Variants in FRAS1 observed in about 807,000 individuals in gnomAD.
FRAS1 encodes the protein extracellular matrix organizing protein FRAS1.
FRAS1 carries 290 observed loss-of-function variants against 435.2 expected under a neutral mutation model. The ratio of observed to expected loss-of-function variants is 0.67; its 90% CI spans 0.61 to 0.73. The LOEUF (loss-of-function observed/expected upper bound fraction) is 0.73, where lower values mean the gene tolerates loss of function less well. Ranked by LOEUF, FRAS1 falls within the 30% of genes least tolerant of loss-of-function variation. FRAS1 has a pLI of 0.00. For synonymous variants in FRAS1, 1,800 were observed against 1,851.0 expected (o/e 0.97, Z 0.71); for missense variants, 4,860 against 5,001.5 (o/e 0.97, Z 0.85).
chr4:78,463,975 A>G, intron 47 of FRAS1, 46 bp from the exon 48 acceptor site: 5 of 1,607,394 alleles, frequency 3.1e-6, no homozygotes, highest in Non-Finnish European at 4.3e-6. Flanking sequence ...ATATATGGCT[A>G]GCATTTTAAT....
chr4:78,476,986 T>C (rs1358438403), intron 54 of FRAS1, among the ~76,000 whole-genome samples: 4 of 13,494 alleles, frequency 3.0e-4, no homozygotes, highest in Admixed American at 2.3e-3. Context: ...ATTTCTTTCT[T>C]TTTAAAAAAA....
At chr4:78,253,158 A>G (rs532656160) in intron 5 of FRAS1, among the ~76,000 whole-genome samples, 31 of 152,288 alleles carry the variant, frequency 2.0e-4, no homozygotes, top group African/African-American at 7.0e-4. Flanking sequence ...CTGGGAAAAT[A>G]ATTCAGCGAT....
chr4:78,401,988 G>T (rs764294188), intron 30 of FRAS1, among the ~76,000 whole-genome samples: 14 of 151,764 alleles, frequency 9.2e-5, no homozygotes, highest in Non-Finnish European at 1.3e-4. Flanking sequence ...AATATGGGAG[G>T]AAATAATCTG....
chr4:78,178,845 T>C (rs1349890298), intron 2 of FRAS1, among the ~76,000 whole-genome samples: 1 of 152,176 alleles, frequency 6.6e-6, no homozygotes, highest in East Asian at 1.9e-4. Flanking sequence ...CAGGATTATT[T>C]TGGGCTTCAA....
intron 2 of FRAS1, chr4:78,181,921 G>A: frequency 1.9e-6 from 3 of 1,609,254 alleles, no homozygotes; most frequent in Admixed American, 3.4e-5. Context: ...CGCCACCCCT[G>A]CCGGCTTCTT....
At chr4:78,424,537 A>G (rs1733926224) in intron 35 of FRAS1, 117 bp downstream of exon 35, 2 of 473,646 alleles carry the variant, frequency 4.2e-6, no homozygotes, top group Non-Finnish European at 7.4e-6. Flanking sequence ...CTTAAAAATT[A>G]TATAATTTTT....
intron 19 of FRAS1, among the ~76,000 whole-genome samples, chr4:78,335,389 A>G (rs2110262510): frequency 6.6e-6 from 1 of 152,258 alleles, no homozygotes; most frequent in African/African-American, 2.4e-5. Flanking sequence ...TCAGTCTTCT[A>G]ATGTGTCAGC....
At chr4:78,216,292 TTAACTCAG>T (rs1723765725) in intron 2 of FRAS1, among the ~76,000 whole-genome samples, 1 of 152,254 alleles carries the variant, frequency 6.6e-6, no homozygotes, top group Non-Finnish European at 1.5e-5. Flanking sequence ...CCCACCTAAA[TTAACTCAG>T]TATGGATGAA....
intron 9 of FRAS1, among the ~76,000 whole-genome samples, chr4:78,272,987 A>G (rs1726790163): frequency 6.6e-6 from 1 of 152,014 alleles, no homozygotes; most frequent in East Asian, 1.9e-4. Flanking sequence ...CTTTTATTTC[A>G]TCGATCAGTG....
rs558033966 is a variant in FRAS1, at chr4:78,472,516, A to G, written c.7522+186A>G. ...TCTCCTGATTTTTTTCCCTGTGATG[A>G]TGAACTATGGCAAAGAAAAATTCAC... On this transcript the variant is annotated intron_variant, in intron 52 of 73. Coordinates refer to ENST00000512123, the MANE Select transcript of FRAS1 (RefSeq NM_025074.7). Among the ~76,000 whole-genome samples the G allele has an allele frequency of 2.0e-5, 3 of 152,318 alleles. No homozygotes were observed. In the East Asian group the frequency reaches 5.8e-4, roughly 29 times the overall value.
chr4:78,066,347 T>A (rs1195183527), intron 2 of FRAS1, among the ~76,000 whole-genome samples: 1 of 152,196 alleles, frequency 6.6e-6, no homozygotes, highest in East Asian at 1.9e-4. Context: ...CACAATTTTT[T>A]AACTTCTGGT....
chr4:78,126,116 C>T (rs1460662606), intron 2 of FRAS1, among the ~76,000 whole-genome samples: 1 of 152,148 alleles, frequency 6.6e-6, no homozygotes, highest in East Asian at 1.9e-4. Flanking sequence ...GGCAGATGCC[C>T]CTCTGCCTGC....
chr4:78,071,922 T>C (rs1258288597), intron 2 of FRAS1: 2 of 152,206 alleles, frequency 1.3e-5, no homozygotes, highest in East Asian at 1.9e-4. Flanking sequence ...AAGTTTGTTA[T>C]AGTACCTAAG....
chr4:78,451,019 A>C (rs1052777345), intron 45 of FRAS1, among the ~76,000 whole-genome samples: 2 of 147,032 alleles, frequency 1.4e-5, no homozygotes, highest in Admixed American at 6.6e-5. Flanking sequence ...TAACACCTAA[A>C]ATTGACAACA....
In FRAS1 at chr4:78,249,043, C is replaced by CTGATATATATATATA. The variant is rs1352031337; in HGVS notation, c.310-3348_310-3347insGATATATATATATAT. ...TGCTTTCATAAACGTGTATGAAGAA[C>CTGATATATATATATA]TACTGATATATATATATATGCATAT... On this transcript the variant is annotated intron_variant, in intron 4 of 73. Transcript: ENST00000512123. 1.3e-3 allele frequency among the ~76,000 whole-genome samples: 25 copies of CTGATATATATATATA among 19,868 alleles called. 1 individual carries two copies. The East Asian group carries it at 0.021, about 16-fold the overall frequency. The allele number at this position is 19,868 out of a possible 152,430, so 13.0% of individuals were successfully genotyped here. A position where few individuals can be genotyped will look rare whatever the true frequency, so the allele number is the denominator to read the frequency against.
chr4:78,151,966 G>A lies in FRAS1; in HGVS notation c.109-85544G>A, dbSNP rs146842092. On this transcript the variant is annotated intron_variant, in intron 2 of 73. Transcript: ENST00000512123. Reference sequence around the variant, plus strand: ...GATATTTTAATTTTTAAGGCAGTGCGTGCCTTTGCTTTCTTTTGCAATAAT... The same window carrying A: ...GATATTTTAATTTTTAAGGCAGTGCATGCCTTTGCTTTCTTTTGCAATAAT... 3.8e-3 allele frequency among the ~76,000 whole-genome samples: 583 copies of A among 152,266 alleles called. 4 individuals are homozygous for A. Among genetic ancestry groups the A allele is most frequent in the African/African-American group, 0.013 (530 of 41,558 alleles).
intron 41 of FRAS1, among the ~76,000 whole-genome samples, chr4:78,443,717 G>A (rs1718665762): frequency 6.6e-6 from 1 of 152,208 alleles, no homozygotes. Flanking sequence ...AGAAGGTAAT[G>A]TTTTTTAAAT....
chr4:78,363,781 T>G (rs1731166881), intron 21 of FRAS1, 116 bp downstream of exon 21: 4 of 1,422,408 alleles, frequency 2.8e-6, no homozygotes, highest in Non-Finnish European at 3.8e-6. Flanking sequence ...GTAAACCACT[T>G]CCATGGGACT....
At chr4:78,386,885 G>A (rs1482972938) in intron 28 of FRAS1, among the ~76,000 whole-genome samples, 3 of 152,092 alleles carry the variant, frequency 2.0e-5, no homozygotes, top group Non-Finnish European at 4.4e-5. Context: ...GAGTTGGGGT[G>A]GGGCTCTGTC....
Sources: gnomAD v4.1 joint callset for allele counts (sites outside exome capture counted in the v4.1 genomes callset) on GRCh38, gnomAD v4.1.1 for gene constraint, MANE v1.5 for transcripts, NCBI Gene and HGNC (gene_info 2026-07-23, HGNC 2026-07-21) for gene names.